The following ZNF444 variants were observed in gnomAD, a reference collection of about 807,000 sequenced individuals.
The protein encoded by ZNF444 is endothelial zinc finger protein 2.
Under a neutral mutation model 14.4 loss-of-function variants are expected in ZNF444, and 8 were observed. That is an observed-to-expected ratio of 0.56 (90% CI 0.33 to 1.00). The LOEUF (loss-of-function observed/expected upper bound fraction) is 1.00. Ranked by LOEUF, ZNF444 falls within the 50% of genes least tolerant of loss-of-function variation. The probability of loss-of-function intolerance (pLI) is 0.03; values close to 1 mark genes in which losing one functional copy is unlikely to be tolerated. For synonymous variants in ZNF444, 258 were observed against 235.9 expected, an observed-to-expected ratio of 1.09 and a Z score of -0.86; for missense variants, 510 against 504.8, an observed-to-expected ratio of 1.01 and a Z score of -0.10.
rs1277181254 is a variant in ZNF444, at chr19:56,158,487, A to C, written c.298-7A>C. ...TTTCTGAGTTCAAAACTGTGCTCTCATTTCAGGGGCCAGCAGCCTCCCCCG... is the reference window on the plus strand; with the variant it reads ...TTTCTGAGTTCAAAACTGTGCTCTCCTTTCAGGGGCCAGCAGCCTCCCCCG... On this transcript the variant is annotated splice_region_variant and splice_polypyrimidine_tract_variant and intron_variant, in intron 3 of 4. Coordinates refer to ENST00000337080, the MANE Select transcript of ZNF444 (RefSeq NM_018337.4). 1 of 1,600,434 alleles carries C rather than the reference A, an allele frequency of 6.2e-7. No homozygotes were observed.
In ZNF444 at chr19:56,145,800, A is replaced by G. The variant is rs1003914702; in HGVS notation, c.-196-447A>G. On this transcript the variant is annotated intron_variant, in intron 1 of 4. Coordinates refer to ENST00000337080, the MANE Select transcript of ZNF444 (RefSeq NM_018337.4). The surrounding 1 kb of genome is among the most constrained non-coding windows in gnomAD (Gnocchi z 4.3). Reference sequence around the variant, plus strand: ...GCGGAGCACCGTGGACTGAACTGCTATGAGCTTATTTCTCAGTTCTGGGAG... The same window carrying G: ...GCGGAGCACCGTGGACTGAACTGCTGTGAGCTTATTTCTCAGTTCTGGGAG... Among the ~76,000 whole-genome samples the G allele has an allele frequency of 6.6e-5, 10 of 152,190 alleles. No homozygotes were observed. The highest frequency in any genetic ancestry group is 2.2e-4 in the African/African-American group (9 of 41,454).
At chr19:56,134,045 TC>T (rs1185851605) in intron 1 of ZNF444, among the ~76,000 whole-genome samples, 1 of 151,458 alleles carries the variant, frequency 6.6e-6, no homozygotes, top group Non-Finnish European at 1.5e-5. Context: ...CCATACGCCA[TC>T]CCCCCTTCTG....
chr19:56,158,447 A>G, intron 3 of ZNF444, 47 bp from the exon 4 acceptor site: 3 of 1,519,910 alleles, frequency 2.0e-6, no homozygotes, highest in Admixed American at 2.0e-5. Flanking sequence ...GGAGAAATAG[A>G]GGCCCTTGCT....
Position 56,149,045 on chromosome 19 carries a change from C to A in ZNF444, c.297+1837C>A, listed in dbSNP as rs151107775. On this transcript the variant is annotated intron_variant, in intron 3 of 4. Coordinates refer to ENST00000337080, the MANE Select transcript of ZNF444 (RefSeq NM_018337.4). ...TTCCATCCCCCATCACTCCTCCGAC[C>A]TTGACCTCTGCTTCCATCCCCATCA... Among the ~76,000 whole-genome samples the A allele has an allele frequency of 6.1e-3, 906 of 148,920 alleles. 2 individuals carry two copies. Among genetic ancestry groups the A allele is most frequent in the African/African-American group, 0.017 (663 of 39,672 alleles).
chr19:56,158,326 T>C, intron 3 of ZNF444, 168 bp from the exon 4 acceptor site: 1 of 592,090 alleles, frequency 1.7e-6, no homozygotes. Flanking sequence ...GAGGCCTTGG[T>C]TCCTCACCTG....
intron 1 of ZNF444, chr19:56,143,512 G>C (rs2030967157): frequency 6.6e-6 from 1 of 152,296 alleles, no homozygotes; most frequent in Admixed American, 6.5e-5. Flanking sequence ...TGATGGATGG[G>C]TGGGGTGGGA....
At chr19:56,141,635 G>T (rs1209522233) in intron 1 of ZNF444, 2 of 61,364 alleles carry the variant, frequency 3.3e-5, no homozygotes, top group East Asian at 7.3e-4. Context: ...GAGGACGGGG[G>T]AGGGGCGCCT....
At chr19:56,140,025 G>A (rs1210699686), upstream of ZNF444, among the ~76,000 whole-genome samples, 7 of 152,220 alleles carry the variant, frequency 4.6e-5, no homozygotes, top group African/African-American at 1.4e-4. Flanking sequence ...GTAGACAGGT[G>A]GGCCAGGGCA....
chr19:56,154,523 C>T (rs956028043), intron 3 of ZNF444: 10 of 152,244 alleles, frequency 6.6e-5, no homozygotes, highest in African/African-American at 2.4e-4. Flanking sequence ...AGGCTGGTCC[C>T]TTTTACACAA....
upstream of ZNF444, among the ~76,000 whole-genome samples, chr19:56,137,622 C>G (rs546688066): frequency 6.6e-6 from 1 of 152,110 alleles, no homozygotes; most frequent in Non-Finnish European, 1.5e-5. Context: ...AATATTCCTC[C>G]GGATCTGCCT....
At position 56,160,003 on chromosome 19, in the gene ZNF444, C is replaced by G; in HGVS notation, c.786C>G (p.Arg262=). The change falls in exon 5 of 5, where the codon CGC becomes CGG. Residue 262 remains arginine (R), a synonymous_variant. Coordinates refer to ENST00000337080, the MANE Select transcript of ZNF444 (RefSeq NM_018337.4). ...AGTGTGGCAAGACCTTCTACTGGCG[C>G]GAGCACCTGGTGCGCCACCGCAAGA... is the stretch of plus-strand genomic sequence containing the variant. ...CCECGKTFYW[R]EHLVRHRKTH... The G allele has an allele frequency of 6.6e-7, 1 of 1,512,580 alleles. No homozygotes were observed. The highest frequency in any genetic ancestry group is 8.8e-7 in the Non-Finnish European group (1 of 1,135,712). 93.7% of individuals were successfully genotyped at this position (1,512,580 alleles called of 1,614,324 possible).
intron 1 of ZNF444, among the ~76,000 whole-genome samples, chr19:56,134,967 C>T (rs1049534419): frequency 7.9e-5 from 12 of 151,946 alleles, no homozygotes; most frequent in African/African-American, 2.9e-4. Context: ...CACGGTGCCT[C>T]ATGCCTGTAA....
At chr19:56,146,820 C>G in intron 2 of ZNF444, 70 bp from the exon 3 acceptor site, 1 of 1,139,974 alleles carries the variant, frequency 8.8e-7, no homozygotes, top group Non-Finnish European at 1.1e-6. Context: ...GAGCGTTGGT[C>G]CCATTGTGAG....
At chr19:56,153,128 A>AG (rs1599891240) in intron 3 of ZNF444, among the ~76,000 whole-genome samples, 1 of 152,040 alleles carries the variant, frequency 6.6e-6, no homozygotes, top group Non-Finnish European at 1.5e-5. Context: ...GTCATCCAGG[A>AG]GGGGGCAGGC....
chr19:56,159,043 ACATTCATCCACCCATCATCCGTC>A (rs1219710522), intron 4 of ZNF444, among the ~76,000 whole-genome samples: 6 of 150,528 alleles, frequency 4.0e-5, no homozygotes, highest in Non-Finnish European at 7.4e-5. Flanking sequence ...CATCATCTGT[ACATTCATCCACCCATCATCCGTC>A]CATCCATCCA....
At chr19:56,158,460 G>C in intron 3 of ZNF444, 34 bp from the exon 4 acceptor site, 1 of 1,574,516 alleles carries the variant, frequency 6.4e-7, no homozygotes, top group East Asian at 2.3e-5. Context: ...CCCTTGCTCA[G>C]GTTTCTGAGT....
chr19:56,132,930 TCTTTC>T (rs2030515448), intron 1 of ZNF444, among the ~76,000 whole-genome samples: 8 of 72,536 alleles, frequency 1.1e-4, no homozygotes, highest in African/African-American at 2.5e-4. Context: ...TTTCTTTCTT[TCTTTC>T]TTTTTTTTTT....
chr19:56,159,064 G>A (rs528092691), intron 4 of ZNF444, among the ~76,000 whole-genome samples: 45 of 144,468 alleles, frequency 3.1e-4, no homozygotes, highest in Non-Finnish European at 5.8e-4. Flanking sequence ...CCCATCATCC[G>A]TCCATCCATC....
chr19:56,133,342 G>T (rs662763), intron 1 of ZNF444, among the ~76,000 whole-genome samples: 2 of 151,690 alleles, frequency 1.3e-5, no homozygotes, highest in Non-Finnish European at 1.5e-5. Context: ...CAAAGTGCTG[G>T]GATCACAGGC....
Sources: gnomAD v4.1 joint callset for allele counts (sites outside exome capture counted in the v4.1 genomes callset) on GRCh38, gnomAD v4.1.1 for gene constraint, Gnocchi (gnomAD v3.1) non-coding constraint, MANE v1.5 for transcripts, NCBI Gene and HGNC (gene_info 2026-07-23, HGNC 2026-07-21) for gene names.